CHD1L: variants seen among roughly 807,000 people sequenced by gnomAD.
CHD1L encodes ATP-dependent chromatin remodeler CHD1L.
CHD1L carries 118 observed loss-of-function variants against 115.9 expected under a neutral mutation model. The observed-to-expected ratio is 1.02, with a 90% CI of 0.88 to 1.19. The LOEUF (loss-of-function observed/expected upper bound fraction) is 1.19. CHD1L is among the 50% of genes most tolerant of loss of function. CHD1L has a pLI of 0.00. For synonymous variants in CHD1L, 411 were observed against 387.1 expected (o/e 1.06, Z -0.72); for missense variants, 1,179 against 1,065.3 (o/e 1.11, Z -1.49).
chr1:147,229,845 T>C, the CHD1L span, among the ~76,000 whole-genome samples: 1 of 151,970 alleles, frequency 6.6e-6, no homozygotes, highest in Non-Finnish European at 1.5e-5. Context: ...CTTGTGATTT[T>C]TGTGCATTGA....
chr1:147,198,685 T>C, the CHD1L span, among the ~76,000 whole-genome samples: 2 of 151,116 alleles, frequency 1.3e-5, no homozygotes, highest in African/African-American at 2.4e-5. Context: ...CCCGTCTGTA[T>C]TAAAAACACA....
chr1:147,208,246 C>T, the CHD1L span, among the ~76,000 whole-genome samples: 1 of 152,048 alleles, frequency 6.6e-6, no homozygotes, highest in African/African-American at 2.4e-5. Context: ...GTAAATGACG[C>T]ACTGTCCTCA....
chr1:147,235,600 A>C, the CHD1L span, among the ~76,000 whole-genome samples: 1 of 152,168 alleles, frequency 6.6e-6, no homozygotes, highest in Non-Finnish European at 1.5e-5. Flanking sequence ...ATACATGTGC[A>C]ACAGAACCCA....
At chr1:147,219,040 CT>C in the CHD1L span, among the ~76,000 whole-genome samples, 1 of 152,104 alleles carries the variant, frequency 6.6e-6, no homozygotes, top group Non-Finnish European at 1.5e-5. Context: ...CTTTAAATCT[CT>C]ATTATCAGGA....
intron 2 of CHD1L, 77 bp from the exon 3 acceptor site, chr1:147,254,793 A>G (rs1669537204): frequency 2.1e-6 from 2 of 945,534 alleles, no homozygotes; most frequent in Non-Finnish European, 3.2e-6. Context: ...TGTGTTCCCT[A>G]CAGGGTTGTG....
chr1:147,201,366 A>C, the CHD1L span: 1 of 1,614,190 alleles, frequency 6.2e-7, no homozygotes, highest in East Asian at 2.2e-5. Context: ...TAACAGCATC[A>C]ATGTCATCCT....
At chr1:147,280,250 C>T in intron 15 of CHD1L, 59 bp downstream of exon 15, 1 of 1,490,760 alleles carries the variant, frequency 6.7e-7, no homozygotes, top group Non-Finnish European at 8.9e-7. Context: ...GAGCTCACGT[C>T]CCCATGGAAA....
upstream of CHD1L, among the ~76,000 whole-genome samples, chr1:147,242,138 C>T (rs1664968409): frequency 6.6e-6 from 1 of 152,076 alleles, no homozygotes; most frequent in South Asian, 2.1e-4. Flanking sequence ...CTTGAGATAC[C>T]CACTGCCACA....
At chr1:147,278,362 C>T (rs782790787) in intron 14 of CHD1L, among the ~76,000 whole-genome samples, 1 of 150,070 alleles carries the variant, frequency 6.7e-6, no homozygotes, top group Non-Finnish European at 1.5e-5. Flanking sequence ...GTAGCTGGGA[C>T]TACAGGCGCG....
the CHD1L span, among the ~76,000 whole-genome samples, chr1:147,173,804 T>C: frequency 6.6e-6 from 1 of 152,218 alleles, no homozygotes; most frequent in Non-Finnish European, 1.5e-5. Flanking sequence ...CACATTAAAG[T>C]GTGTGAGAAG....
At chr1:147,244,469 TAAAA>T (rs1272497213) in intron 1 of CHD1L, among the ~76,000 whole-genome samples, 2 of 91,888 alleles carry the variant, frequency 2.2e-5, no homozygotes, top group African/African-American at 8.9e-5. Flanking sequence ...ATGAGTTGGT[TAAAA>T]AAATTCTTAC....
At chr1:147,212,277 T>G in the CHD1L span, 2 of 1,049,462 alleles carry the variant, frequency 1.9e-6, no homozygotes, top group South Asian at 3.1e-5. Flanking sequence ...TATTTGCCAC[T>G]GGCACTGAAG....
intron 1 of CHD1L, 85 bp downstream of exon 1, chr1:147,242,915 C>T (rs906925691): frequency 2.4e-6 from 3 of 1,227,118 alleles, no homozygotes; most frequent in East Asian, 6.3e-5. Context: ...GCGGGTGGGC[C>T]GCCCGGTGGG....
intron 9 of CHD1L, among the ~76,000 whole-genome samples, chr1:147,268,446 T>G (rs587768941): frequency 2.5e-4 from 38 of 152,296 alleles, no homozygotes; most frequent in African/African-American, 8.9e-4. Flanking sequence ...GAGGGGGTGT[T>G]GGGAACACAT....
chr1:147,286,574 C>G, intron 18 of CHD1L, 74 bp downstream of exon 18: 1 of 1,372,942 alleles, frequency 7.3e-7, no homozygotes, highest in South Asian at 1.2e-5. Flanking sequence ...GGATGGGGCA[C>G]TGGGACTGGG....
the CHD1L span, among the ~76,000 whole-genome samples, chr1:147,181,764 T>G: frequency 0.037 from 5,609 of 152,220 alleles, 148 homozygotes; most frequent in South Asian, 0.095. Flanking sequence ...AGCAACAAAG[T>G]AATTGAGAGT....
intron 15 of CHD1L, 65 bp downstream of exon 15, chr1:147,280,256 G>A (rs782241514): frequency 2.0e-6 from 3 of 1,470,770 alleles, no homozygotes; most frequent in South Asian, 2.9e-5. Context: ...ACGTCCCCAT[G>A]GAAAGTTTTG....
the CHD1L span, chr1:147,178,929 T>C: frequency 1.3e-4 from 208 of 1,595,722 alleles, no homozygotes; most frequent in East Asian, 3.8e-3. Flanking sequence ...ATGAAAAGAA[T>C]GCTAAAGGTT....
At chr1:147,236,791 C>T in the CHD1L span, among the ~76,000 whole-genome samples, 34 of 152,306 alleles carry the variant, frequency 2.2e-4, no homozygotes, top group South Asian at 6.8e-3. Context: ...GAGTCTGGGG[C>T]TTTTACAGGC....
Sources: allele counts gnomAD v4.1 joint callset (sites outside exome capture counted in the v4.1 genomes callset), GRCh38; gene constraint gnomAD v4.1.1; transcripts MANE v1.5; gene names NCBI Gene and HGNC (gene_info 2026-07-23, HGNC 2026-07-21).